The following TNFSF13B variants were observed in gnomAD, a reference collection of about 807,000 sequenced individuals.
The protein encoded by TNFSF13B is tumor necrosis factor ligand superfamily member 13B.
Under a neutral mutation model 29.1 loss-of-function variants are expected in TNFSF13B, and 8 were observed. The observed-to-expected ratio is 0.27, with a 90% CI of 0.16 to 0.50. TNFSF13B has a LOEUF of 0.50. Ranked by LOEUF, TNFSF13B falls within the 20% of genes least tolerant of loss-of-function variation. The pLI is 0.98. For missense variants in TNFSF13B, 248 were observed against 334.9 expected, an observed-to-expected ratio of 0.74 and a Z score of 2.03; for synonymous variants, 125 against 130.8, an observed-to-expected ratio of 0.96 and a Z score of 0.30.
chr13:108,293,354 T>C (rs1320495700), intron 3 of TNFSF13B, among the ~76,000 whole-genome samples: 1 of 152,232 alleles, frequency 6.6e-6, no homozygotes, highest in Non-Finnish European at 1.5e-5. Flanking sequence ...AAATTTAGGA[T>C]AGTGAATCCT....
chr13:108,279,068 A>G (rs893705728), intron 2 of TNFSF13B, among the ~76,000 whole-genome samples: 2 of 152,096 alleles, frequency 1.3e-5, no homozygotes, highest in Non-Finnish European at 2.9e-5. Flanking sequence ...GTTTTATGGA[A>G]CCCCTTTTCC....
intron 3 of TNFSF13B, 100 bp from the exon 4 acceptor site, chr13:108,303,153 G>A: frequency 1.4e-6 from 1 of 733,532 alleles, no homozygotes; most frequent in Admixed American, 3.1e-5. Flanking sequence ...TTTTTAGGAT[G>A]GAATTATCTT....
In TNFSF13B at chr13:108,295,950, T is replaced by A. The variant is rs1249861692; in HGVS notation, c.482-7303T>A. Among the ~76,000 whole-genome samples, 2 of 146,440 alleles carry A rather than the reference T, an allele frequency of 1.4e-5. 1 individual carries two copies. Among genetic ancestry groups the A allele is most frequent in the Non-Finnish European group, 3.0e-5 (2 of 65,770 alleles). ...GTCAAAGGATGAAAAACATATCTTTTTAAAATACAAGATATTTGTGGAATT... is the reference window on the plus strand; with the variant it reads ...GTCAAAGGATGAAAAACATATCTTTATAAAATACAAGATATTTGTGGAATT... On this transcript the variant is annotated intron_variant, in intron 3 of 5. Coordinates refer to ENST00000375887, the MANE Select transcript of TNFSF13B (RefSeq NM_006573.5).
At chr13:108,300,473 G>T (rs553398990) in intron 3 of TNFSF13B, among the ~76,000 whole-genome samples, 1 of 152,166 alleles carries the variant, frequency 6.6e-6, no homozygotes, top group South Asian at 2.1e-4. Context: ...AACTGCCTTG[G>T]TGAAGTCATC....
chr13:108,284,584 T>C (rs1881069508), intron 2 of TNFSF13B, among the ~76,000 whole-genome samples: 2 of 152,240 alleles, frequency 1.3e-5, no homozygotes, highest in African/African-American at 4.8e-5. Flanking sequence ...TTGCAGGTGT[T>C]ATGCACTGAG....
chr13:108,303,711 TAGAC>T (rs1881692810), intron 5 of TNFSF13B, 107 bp downstream of exon 5: 4 of 1,163,930 alleles, frequency 3.4e-6, no homozygotes, highest in Admixed American at 4.8e-5. Flanking sequence ...AAAATACAAA[TAGAC>T]AGAAAGACAT....
rs1224676495 is a variant in TNFSF13B, at chr13:108,298,462, A to T, written c.482-4791A>T. Among the ~76,000 whole-genome samples the T allele has an allele frequency of 1.4e-5, 2 of 145,642 alleles. 1 individual carries two copies. The highest frequency in any genetic ancestry group is 3.0e-5 in the Non-Finnish European group (2 of 65,658). On this transcript the variant is annotated intron_variant, in intron 3 of 5. Transcript: ENST00000375887. ...CAATGTTGAAGAAAGTCATAAATTT[A>T]CATATCTAAAAAGTTCAGTAAACTT...
intron 5 of TNFSF13B, among the ~76,000 whole-genome samples, chr13:108,306,457 A>G (rs1282716166): frequency 6.6e-6 from 1 of 151,996 alleles, no homozygotes; most frequent in Non-Finnish European, 1.5e-5. Context: ...TAACATTATT[A>G]TAAAAACTTT....
chr13:108,301,436 A>G (rs1239213257), intron 3 of TNFSF13B: 1 of 152,240 alleles, frequency 6.6e-6, no homozygotes, highest in Admixed American at 6.5e-5. Flanking sequence ...GAAAATGTGC[A>G]ATATATACAC....
At chr13:108,296,730 C>A (rs563582850) in intron 3 of TNFSF13B, among the ~76,000 whole-genome samples, 1 of 145,050 alleles carries the variant, frequency 6.9e-6, no homozygotes, top group African/African-American at 2.6e-5. Context: ...TTTATAAGTA[C>A]ATCATTTTGT....
intron 3 of TNFSF13B, among the ~76,000 whole-genome samples, chr13:108,294,125 C>G (rs1881398235): frequency 6.6e-6 from 1 of 151,268 alleles, no homozygotes; most frequent in South Asian, 2.1e-4. Context: ...GATCTTGTAC[C>G]CTGAAACTTA....
intron 2 of TNFSF13B, among the ~76,000 whole-genome samples, chr13:108,274,382 CAT>C (rs1247975854): frequency 7.2e-6 from 1 of 139,202 alleles, no homozygotes; most frequent in Non-Finnish European, 1.6e-5. Context: ...TATATATATA[CAT>C]ATATATACAT....
At chr13:108,270,490 C>T (rs1456457618) in intron 2 of TNFSF13B, 66 bp downstream of exon 2, 1 of 1,461,970 alleles carries the variant, frequency 6.8e-7, no homozygotes, top group African/African-American at 1.4e-5. Context: ...TCTGGGGGAG[C>T]TGGAGGTGAG....
intron 3 of TNFSF13B, among the ~76,000 whole-genome samples, chr13:108,290,057 T>C (rs1881261831): frequency 6.6e-6 from 1 of 152,210 alleles, no homozygotes; most frequent in South Asian, 2.1e-4. Context: ...AGACTCCCTC[T>C]ATGTTAACAC....
rs1470280704 is a variant in TNFSF13B, at chr13:108,297,947, C to A, written c.482-5306C>A. 2.7e-5 allele frequency among the ~76,000 whole-genome samples: 4 copies of A among 146,378 alleles called. 1 individual carries two copies. Among genetic ancestry groups the A allele is most frequent in the Non-Finnish European group, 6.1e-5 (4 of 65,754 alleles). ...GAGTATTTTCACTGTCCTAAAAATT[C>A]TCTGTGCTTCACTCCAACTACCTTT... On this transcript the variant is annotated intron_variant, in intron 3 of 5. Coordinates refer to ENST00000375887, the MANE Select transcript of TNFSF13B (RefSeq NM_006573.5).
chr13:108,305,399 C>A (rs1347994040), intron 5 of TNFSF13B, among the ~76,000 whole-genome samples: 3 of 152,024 alleles, frequency 2.0e-5, no homozygotes, highest in East Asian at 3.9e-4. Flanking sequence ...AAAAATTATA[C>A]CTGATTGCTG....
chr13:108,270,499 A>C, intron 2 of TNFSF13B, 75 bp downstream of exon 2: 1 of 1,372,746 alleles, frequency 7.3e-7, no homozygotes, highest in South Asian at 1.2e-5. Context: ...GCTGGAGGTG[A>C]GTATCCCCTC....
At chr13:108,274,645 T>C (rs1261040418) in intron 2 of TNFSF13B, among the ~76,000 whole-genome samples, 1 of 152,196 alleles carries the variant, frequency 6.6e-6, no homozygotes, top group Non-Finnish European at 1.5e-5. Flanking sequence ...AAGTTGTCTG[T>C]AACACAAGGA....
At chr13:108,278,113 A>T (rs1395539844) in intron 2 of TNFSF13B, among the ~76,000 whole-genome samples, 5 of 152,156 alleles carry the variant, frequency 3.3e-5, no homozygotes, top group African/African-American at 1.2e-4. Flanking sequence ...GTTTGAATTC[A>T]TTATCTATTG....
Sources: gnomAD v4.1 joint callset for allele counts (sites outside exome capture counted in the v4.1 genomes callset) on GRCh38, gnomAD v4.1.1 for gene constraint, MANE v1.5 for transcripts, NCBI Gene and HGNC (gene_info 2026-07-23, HGNC 2026-07-21) for gene names.